PCDHGB5: variants seen among roughly 807,000 people sequenced by gnomAD.
PCDHGB5 encodes the protein protocadherin gamma-B5.
A neutral mutation model predicts 62.9 loss-of-function variants in PCDHGB5; 48 were observed. The observed-to-expected ratio is 0.76, with a 90% CI of 0.61 to 0.97. The LOEUF is 0.97. PCDHGB5 is among the 50% of genes least tolerant of loss of function. The pLI is 0.00. For missense variants in PCDHGB5, 1,118 were observed against 1,198.6 expected, an observed-to-expected ratio of 0.93 and a Z score of 0.99; for synonymous variants, 474 against 511.2, an observed-to-expected ratio of 0.93 and a Z score of 0.98.
At chr5:141,436,105 A>G (rs2097796181) in intron 1 of PCDHGB5, among the ~76,000 whole-genome samples, 2 of 152,198 alleles carry the variant, frequency 1.3e-5, no homozygotes, top group African/African-American at 4.8e-5. Context: ...GAAATAGAGG[A>G]CAATGAAACC....
chr5:141,414,801 G>A, intron 1 of PCDHGB5: 2 of 1,614,218 alleles, frequency 1.2e-6, no homozygotes, highest in Non-Finnish European at 1.7e-6. Flanking sequence ...GCGACAGCGG[G>A]GATCCTCCAC....
intron 1 of PCDHGB5, among the ~76,000 whole-genome samples, chr5:141,434,495 G>A (rs1414485396): frequency 6.6e-6 from 1 of 152,220 alleles, no homozygotes; most frequent in Non-Finnish European, 1.5e-5. Flanking sequence ...GGCCCGCCCA[G>A]GGCAGAAAAC....
intron 1 of PCDHGB5, chr5:141,418,639 C>T (rs2096276711): frequency 6.2e-7 from 1 of 1,614,014 alleles, no homozygotes; most frequent in Non-Finnish European, 8.5e-7. Flanking sequence ...CAGGCACCTC[C>T]ATCCTGAGAG....
At chr5:141,478,500 T>C (rs754881921) in intron 1 of PCDHGB5, 16 of 1,612,740 alleles carry the variant, frequency 9.9e-6, no homozygotes, top group Non-Finnish European at 1.4e-5. Context: ...TGTGATCCGG[T>C]GTTCTATAGG....
At chr5:141,436,991 T>G (rs1016670604) in intron 1 of PCDHGB5, among the ~76,000 whole-genome samples, 2 of 152,238 alleles carry the variant, frequency 1.3e-5, no homozygotes, top group African/African-American at 4.8e-5. Flanking sequence ...AGAAGCAGTT[T>G]ACTTCAATGG....
chr5:141,482,220 G>T (rs945741591), intron 1 of PCDHGB5, among the ~76,000 whole-genome samples: 8 of 152,148 alleles, frequency 5.3e-5, no homozygotes, highest in African/African-American at 1.9e-4. Flanking sequence ...ACTTGTTTTG[G>T]TGTGAAATTG....
In PCDHGB5 at chr5:141,477,157, CA is replaced by C. The variant is rs1240879989; in HGVS notation, c.2398-17648del. 2.5e-6 allele frequency: 4 copies of C among 1,614,064 alleles called. No homozygotes were observed. Among genetic ancestry groups the C allele is most frequent in the Non-Finnish European group, 3.4e-6 (4 of 1,180,046 alleles). ...TGGTGGAGGTTGTGGATGTGAATGACAACGCCCCGGAGATCACAGTCACCTC... is the reference window on the plus strand; with the variant it reads ...TGGTGGAGGTTGTGGATGTGAATGACACGCCCCGGAGATCACAGTCACCTC... On this transcript the variant is annotated intron_variant, in intron 1 of 3. Coordinates refer to ENST00000617380, the MANE Select transcript of PCDHGB5 (RefSeq NM_018925.3). This position sits in a 1 kb window ranked among gnomAD's most constrained non-coding sequence, Gnocchi z 4.9.
intron 1 of PCDHGB5, chr5:141,409,037 T>A: frequency 3.7e-6 from 6 of 1,613,992 alleles, no homozygotes; most frequent in Non-Finnish European, 5.1e-6. Context: ...TGAGATAAAC[T>A]ACTACTTCCG....
chr5:141,460,075 C>T (rs2098981644), intron 1 of PCDHGB5, among the ~76,000 whole-genome samples: 2 of 151,896 alleles, frequency 1.3e-5, no homozygotes, highest in East Asian at 1.9e-4. Context: ...GAGACTTCAT[C>T]TAAAAAATAA....
At chr5:141,430,404 A>T (rs1054341813) in intron 1 of PCDHGB5, among the ~76,000 whole-genome samples, 2 of 152,000 alleles carry the variant, frequency 1.3e-5, no homozygotes, top group African/African-American at 4.8e-5. Flanking sequence ...AAAGCTCACT[A>T]AAGTTTCTAT....
In PCDHGB5 at chr5:141,431,135, A is replaced by T. The variant is rs140069213; in HGVS notation, c.2397+30611A>T. On this transcript the variant is annotated intron_variant, in intron 1 of 3. Transcript: ENST00000617380. This position sits in a 1 kb window ranked among gnomAD's most constrained non-coding sequence, Gnocchi z 4.8. ...TGGAGTAGAAGTAGAAGTAAGGGAC[A>T]TTAACGACAATGCGCCTTACTTTCG... 1 of 1,614,266 alleles carries T rather than the reference A, an allele frequency of 6.2e-7. No homozygotes were observed. Among genetic ancestry groups the T allele is most frequent in the African/African-American group, 1.3e-5 (1 of 75,078 alleles).
At chr5:141,495,277 G>A (rs2099760037) in intron 2 of PCDHGB5, among the ~76,000 whole-genome samples, 1 of 152,168 alleles carries the variant, frequency 6.6e-6, no homozygotes, top group African/African-American at 2.4e-5. Context: ...ACCGGAGGAG[G>A]CGGTCCGCAC....
At chr5:141,413,606 T>C (rs756987695) in intron 1 of PCDHGB5, 1 of 1,613,848 alleles carries the variant, frequency 6.2e-7, no homozygotes, top group Admixed American at 1.7e-5. Context: ...AATCTAGACG[T>C]AAAAATTAAT....
chr5:141,494,197 C>T (rs73794924), intron 1 of PCDHGB5, among the ~76,000 whole-genome samples: 1,654 of 152,242 alleles, frequency 0.011, 27 homozygotes, highest in African/African-American at 0.037. Flanking sequence ...CTTGGATGCC[C>T]CGCAAAGGCC....
chr5:141,480,710 T>C (rs1174000425), intron 1 of PCDHGB5, among the ~76,000 whole-genome samples: 1 of 152,042 alleles, frequency 6.6e-6, no homozygotes, highest in East Asian at 1.9e-4. Context: ...CCCCGACAAA[T>C]GAAAGCACAG....
At chr5:141,428,124 C>G in intron 1 of PCDHGB5, 2 of 1,605,400 alleles carry the variant, frequency 1.2e-6, no homozygotes, top group Non-Finnish European at 1.7e-6. Flanking sequence ...CGAGCCCGGG[C>G]TTTTCAGCCT....
At chr5:141,459,108 A>G (rs1240280274) in intron 1 of PCDHGB5, among the ~76,000 whole-genome samples, 1 of 152,216 alleles carries the variant, frequency 6.6e-6, no homozygotes, top group Non-Finnish European at 1.5e-5. Flanking sequence ...ATGCATTTTG[A>G]CAATTGTTTA....
intron 1 of PCDHGB5, among the ~76,000 whole-genome samples, chr5:141,405,997 C>T (rs1589599248): frequency 6.6e-6 from 1 of 151,926 alleles, no homozygotes; most frequent in Non-Finnish European, 1.5e-5. Context: ...TAGCTCTCAG[C>T]CTGCATTGAT....
intron 1 of PCDHGB5, chr5:141,426,194 T>C (rs1482565872): frequency 6.4e-6 from 1 of 155,380 alleles, no homozygotes; most frequent in Non-Finnish European, 1.4e-5. Context: ...ACTGGGAGCA[T>C]TGAGTTTTCT....
Sources: allele counts gnomAD v4.1 joint callset (sites outside exome capture counted in the v4.1 genomes callset), GRCh38; gene constraint gnomAD v4.1.1; non-coding constraint Gnocchi (gnomAD v3.1); transcripts MANE v1.5; gene names NCBI Gene and HGNC (gene_info 2026-07-23, HGNC 2026-07-21).